CLDN16: variants seen among roughly 807,000 people sequenced by gnomAD.
The protein encoded by CLDN16 is claudin-16.
CLDN16 carries 13 observed loss-of-function variants against 24.6 expected under a neutral mutation model. The observed-to-expected ratio is 0.53, with a 90% CI of 0.34 to 0.84. CLDN16 has a LOEUF of 0.84. CLDN16 is among the 40% of genes least tolerant of loss of function. CLDN16 has a pLI of 0.01. For missense variants in CLDN16, 298 were observed against 292.7 expected (o/e 1.02, Z -0.13); for synonymous variants, 116 against 106.7 (o/e 1.09, Z -0.54).
chr3:190,399,465 G>A (rs375869285), intron 1 of CLDN16, among the ~76,000 whole-genome samples: 27 of 152,216 alleles, frequency 1.8e-4, no homozygotes, highest in African/African-American at 6.0e-4. Context: ...TGAGCCGATC[G>A]CGCCATTGCA....
rs571519012 is a variant in CLDN16 at position 190,374,538 on chromosome 3, G to A, written n.241G>A. On this transcript the variant is annotated non_coding_transcript_exon_variant, in exon 3 of 5. Coordinates refer to the CLDN16 transcript ENST00000468220. Reference sequence around the variant, plus strand: ...TTTATCACTCTGCAGGACTGAACTCGTTGTTGGCCACCTGTTTGGAAAACC... The same window carrying A: ...TTTATCACTCTGCAGGACTGAACTCATTGTTGGCCACCTGTTTGGAAAACC... The A allele has an allele frequency of 4.0e-5, 6 of 151,874 alleles. No homozygotes were observed. The South Asian group carries it at 8.3e-4, about 21-fold the overall frequency. The allele number at this position is 151,874 out of a possible 1,614,324, so 9.4% of individuals were successfully genotyped here.
intron 3 of CLDN16, among the ~76,000 whole-genome samples, chr3:190,375,009 T>TA (rs1718218072): frequency 6.6e-6 from 1 of 152,084 alleles, no homozygotes; most frequent in Middle Eastern, 3.4e-3. Flanking sequence ...TATTTCCTTA[T>TA]AAAAAGAGGC....
At chr3:190,309,362 C>A in the CLDN16 span, among the ~76,000 whole-genome samples, 1 of 152,158 alleles carries the variant, frequency 6.6e-6, no homozygotes, top group South Asian at 2.1e-4. Context: ...TCCAACACAA[C>A]CATTGCAGTA....
intron 1 of CLDN16, among the ~76,000 whole-genome samples, chr3:190,347,385 G>C (rs1006417963): frequency 6.6e-6 from 1 of 152,146 alleles, no homozygotes; most frequent in Non-Finnish European, 1.5e-5. Flanking sequence ...AGAGAAAGGA[G>C]AAAAATTCAG....
intron 1 of CLDN16, among the ~76,000 whole-genome samples, chr3:190,364,117 A>G (rs561574412): frequency 1.3e-5 from 2 of 152,060 alleles, no homozygotes; most frequent in Non-Finnish European, 1.5e-5. Context: ...TTTGTGAACA[A>G]AGCTTATCCT....
chr3:190,295,282 C>A, the CLDN16 span, among the ~76,000 whole-genome samples: 1 of 151,972 alleles, frequency 6.6e-6, no homozygotes, highest in African/African-American at 2.4e-5. Flanking sequence ...ATATCTATGA[C>A]CTGCAATAAA....
upstream of CLDN16, among the ~76,000 whole-genome samples, chr3:190,320,890 C>T (rs926332105): frequency 1.2e-4 from 19 of 152,020 alleles, no homozygotes; most frequent in African/African-American, 4.1e-4. Context: ...ATACTCCAGC[C>T]GTGAATCATT....
At chr3:190,307,647 G>A in the CLDN16 span, 1 of 152,090 alleles carries the variant, frequency 6.6e-6, no homozygotes, top group Admixed American at 6.6e-5. Flanking sequence ...AAACAAATAA[G>A]GGCTTAATAA....
At chr3:190,404,326 T>C (rs1002111979) in intron 2 of CLDN16, among the ~76,000 whole-genome samples, 2 of 152,126 alleles carry the variant, frequency 1.3e-5, no homozygotes, top group African/African-American at 4.8e-5. Flanking sequence ...TTTTAGCCAA[T>C]TATTATTTTT....
intron 1 of CLDN16, among the ~76,000 whole-genome samples, chr3:190,350,008 T>C (rs1482383929): frequency 1.3e-5 from 2 of 152,060 alleles, no homozygotes; most frequent in African/African-American, 2.4e-5. Context: ...ATGACTGATG[T>C]ACTAATCTTT....
chr3:190,364,119 G>C (rs1123060), intron 1 of CLDN16, among the ~76,000 whole-genome samples: 10 of 151,984 alleles, frequency 6.6e-5, no homozygotes, highest in Non-Finnish European at 1.3e-4. Context: ...TGTGAACAAA[G>C]CTTATCCTTT....
chr3:190,296,892 A>C, the CLDN16 span, among the ~76,000 whole-genome samples: 1 of 152,090 alleles, frequency 6.6e-6, no homozygotes, highest in East Asian at 1.9e-4. Context: ...GAGGATTGTG[A>C]ACAGTAGAGT....
At chr3:190,379,975 G>GTCTA (rs34203533) in intron 3 of CLDN16, among the ~76,000 whole-genome samples, 58,254 of 148,674 alleles carry the variant, frequency 0.39, 11,872 homozygotes, top group Middle Eastern at 0.52. Context: ...TATCAACTCT[G>GTCTA]TCTATCTATC....
chr3:190,324,513 T>C (rs1717017014), intron 1 of CLDN16, among the ~76,000 whole-genome samples: 1 of 152,060 alleles, frequency 6.6e-6, no homozygotes, highest in South Asian at 2.1e-4. Flanking sequence ...AATAAACAAA[T>C]AAATGACATT....
At chr3:190,398,942 T>C (rs2108666338) in intron 1 of CLDN16, among the ~76,000 whole-genome samples, 1 of 152,328 alleles carries the variant, frequency 6.6e-6, no homozygotes, top group South Asian at 2.1e-4. Context: ...GACGTCCACA[T>C]TATTTAGAAA....
At chr3:190,311,890 A>C in the CLDN16 span, among the ~76,000 whole-genome samples, 1 of 151,984 alleles carries the variant, frequency 6.6e-6, no homozygotes, top group Non-Finnish European at 1.5e-5. Flanking sequence ...GATTTTCTCA[A>C]ATGACACATA....
At chr3:190,394,898 G>C (rs3774011) in intron 1 of CLDN16, among the ~76,000 whole-genome samples, 28,256 of 152,058 alleles carry the variant, frequency 0.19, 3,070 homozygotes, top group Middle Eastern at 0.29. Flanking sequence ...ATACAAATCT[G>C]ATTCTTGGGA....
At chr3:190,318,428 C>G (rs966434216), upstream of CLDN16, among the ~76,000 whole-genome samples, 7 of 152,194 alleles carry the variant, frequency 4.6e-5, no homozygotes, top group Admixed American at 4.6e-4. Context: ...TCTTAGAACT[C>G]ATCTTAGCTG....
chr3:190,311,105 A>C, the CLDN16 span, among the ~76,000 whole-genome samples: 5 of 152,312 alleles, frequency 3.3e-5, no homozygotes, highest in Admixed American at 3.3e-4. Context: ...GACAGAAAAC[A>C]CTATTGCTTT....
Sources: allele counts gnomAD v4.1 joint callset (sites outside exome capture counted in the v4.1 genomes callset), GRCh38; gene constraint gnomAD v4.1.1; transcripts MANE v1.5; gene names NCBI Gene and HGNC (gene_info 2026-07-23, HGNC 2026-07-21).